Variants in ZNF263 observed in about 807,000 individuals in gnomAD.
The protein encoded by ZNF263 is zinc finger protein 263.
In ZNF263, 49 loss-of-function variants were observed where a neutral mutation model predicts 63.1. The observed-to-expected ratio is 0.78, with a 90% CI of 0.62 to 0.99. ZNF263 has a LOEUF of 0.99. ZNF263 is among the 50% of genes least tolerant of loss of function. The pLI, the probability that ZNF263 is intolerant of heterozygous loss-of-function variation, is 0.00. For missense variants in ZNF263, 872 were observed against 854.8 expected, an observed-to-expected ratio of 1.02 and a Z score of -0.25; for synonymous variants, 352 against 324.2, an observed-to-expected ratio of 1.09 and a Z score of -0.92.
chr16:3,300,143 G>C, intron 2 of ZNF263: 1 of 1,614,172 alleles, frequency 6.2e-7, no homozygotes, highest in Non-Finnish European at 8.5e-7. Context: ...GACAGTTTTT[G>C]TCGAAATGGC....
intron 2 of ZNF263, chr16:3,299,980 G>T (rs757823728): frequency 6.2e-7 from 1 of 1,613,914 alleles, no homozygotes; most frequent in Non-Finnish European, 8.5e-7. Flanking sequence ...ACATAAAAAG[G>T]CAGACAACCT....
Position 3,290,717 on chromosome 16 carries a change from C to T in ZNF263, c.*159C>T. 1 of 1,424,632 alleles carries T rather than the reference C, an allele frequency of 7.0e-7. No homozygotes were observed. Among genetic ancestry groups the T allele is most frequent in the Non-Finnish European group, 9.1e-7 (1 of 1,095,176 alleles). The allele number at this position is 1,424,632 out of a possible 1,614,324, so 88.2% of individuals were successfully genotyped here. A position where few individuals can be genotyped will look rare whatever the true frequency, so the allele number is the denominator to read the frequency against. On this transcript the variant is annotated 3_prime_UTR_variant, in exon 6 of 6. Coordinates refer to ENST00000219069, the MANE Select transcript of ZNF263 (RefSeq NM_005741.5). ...AGGTGCAGAGGCAGCAGAGGATTGG[C>T]ATAAAACTGAAAAGGAGTTCTGTCT...
At chr16:3,294,011 C>T (rs1162638015), downstream of ZNF263, among the ~76,000 whole-genome samples, 1 of 152,280 alleles carries the variant, frequency 6.6e-6, no homozygotes, top group Non-Finnish European at 1.5e-5. Flanking sequence ...CTGCAAGCTT[C>T]GCCTCCCGGG....
At chr16:3,285,809 G>A in intron 3 of ZNF263, 55 bp downstream of exon 3, 4 of 1,593,642 alleles carry the variant, frequency 2.5e-6, no homozygotes, top group Non-Finnish European at 3.4e-6. Flanking sequence ...CCTGAGTGTT[G>A]GGGGTGGGGG....
downstream of ZNF263, among the ~76,000 whole-genome samples, chr16:3,292,338 C>A (rs1313148328): frequency 6.6e-6 from 1 of 152,158 alleles, no homozygotes; most frequent in Non-Finnish European, 1.5e-5. Flanking sequence ...TTGTCTGAGC[C>A]AGTTTTTTAA....
chr16:3,301,338 T>C (rs916040271), exon 3 of ZNF263: 1 of 167,148 alleles, frequency 6.0e-6, no homozygotes, highest in Admixed American at 6.5e-5. Flanking sequence ...AGAAAGTAGT[T>C]TGTTGTACAT....
At position 3,300,229 on chromosome 16, in the gene ZNF263, A is replaced by C. The variant is rs201630933; in HGVS notation, c.*47-684A>C. 777 of 1,614,186 alleles carry C rather than the reference A, an allele frequency of 4.8e-4. 18 individuals carry two copies. In the South Asian group the frequency reaches 8.2e-3, roughly 17 times the overall value. On this transcript the variant is annotated intron_variant, in intron 2 of 2. Transcript: ENST00000574674. ...GTTCCCAATTGCATGCCGATTTCGA[A>C]ATCTAAAAAGCCAACCAGTGCTAGC...
intron 2 of ZNF263, chr16:3,300,557 T>G: frequency 6.2e-7 from 1 of 1,608,818 alleles, no homozygotes; most frequent in East Asian, 2.2e-5. Context: ...TCAATTCTAC[T>G]TAGAACCTTC....
Position 3,290,105 on chromosome 16 carries a change from C to T in ZNF263, c.1599C>T (p.Leu533=), listed in dbSNP as rs200782877. The T allele has an allele frequency of 3.7e-5, 60 of 1,613,742 alleles. No homozygotes were observed. The East Asian group carries it at 4.9e-4, about 13-fold the overall frequency. The change falls in exon 6 of 6, where the codon CTC becomes CTT. Residue 533 remains leucine (L), a synonymous_variant. Coordinates refer to ENST00000219069, the MANE Select transcript of ZNF263 (RefSeq NM_005741.5). ...CGKSFSRSSH[L]VIHERTHERE... is the part of the protein sequence containing the mutation. ...AAAGTTTCTCTCGGAGTTCACACCTCGTCATTCACGAAAGAACTCATGAGA... is the reference window on the plus strand; with the variant it reads ...AAAGTTTCTCTCGGAGTTCACACCTTGTCATTCACGAAAGAACTCATGAGA...
Position 3,290,267 on chromosome 16 carries a change from CA to C in ZNF263, c.1762del (p.Met588CysfsTer31). 6.2e-7 allele frequency: 1 copy of C among 1,614,158 alleles called. No individual in the cohort carries two copies. The highest frequency in any genetic ancestry group is 8.5e-7 in the Non-Finnish European group (1 of 1,180,030). On this transcript the variant is annotated frameshift_variant, in exon 6 of 6. Coordinates refer to ENST00000219069, the MANE Select transcript of ZNF263 (RefSeq NM_005741.5). LOFTEE classifies it high-confidence loss of function. ...CTTGTGGGAAAAGCTTCCGGCAGGGCATGCACCTCACCAGACATCAGAGAAC... is the reference window on the plus strand; with the variant it reads ...CTTGTGGGAAAAGCTTCCGGCAGGGCTGCACCTCACCAGACATCAGAGAAC... ...LTCGKSFRQG[M>X]HLTRHQRTHT...
intron 4 of ZNF263, among the ~76,000 whole-genome samples, chr16:3,287,938 A>G (rs1959440075): frequency 6.6e-6 from 1 of 151,656 alleles, no homozygotes; most frequent in South Asian, 2.1e-4. Flanking sequence ...AAACATTCCA[A>G]GTACCATGAA....
At chr16:3,301,287 T>C (rs556140850) in exon 3 of ZNF263, 21 of 167,086 alleles carry the variant, frequency 1.3e-4, no homozygotes, top group Non-Finnish European at 1.8e-4. Context: ...GTATGGAGAG[T>C]TGGAATTCAG....
intron 5 of ZNF263, 89 bp downstream of exon 5, chr16:3,288,659 T>C: frequency 2.1e-6 from 2 of 940,504 alleles, no homozygotes; most frequent in Non-Finnish European, 3.2e-6. Flanking sequence ...TTTTGTTTTG[T>C]TTTGAGATGG....
intron 2 of ZNF263, 33 bp from the exon 3 acceptor site, chr16:3,285,648 T>C (rs997259294): frequency 5.6e-6 from 9 of 1,606,108 alleles, no homozygotes; most frequent in Non-Finnish European, 3.4e-6. Context: ...GAGTTAGGAA[T>C]GCCATTCTCA....
chr16:3,290,045 T>G lies in ZNF263; in HGVS notation c.1539T>G (p.Thr513=). The change falls in exon 6 of 6, where the codon ACT becomes ACG. Residue 513 remains threonine, a synonymous_variant. Transcript: ENST00000219069. ...TCCTTCGGCACCAGAGAATTCACAC[T>G]GGAGAGCGACCTTATAAGTGTCCCG... ...SNLLRHQRIH[T]GERPYKCPEC... The G allele has an allele frequency of 6.2e-7, 1 of 1,613,766 alleles. No individual in the cohort carries two copies. The highest frequency in any genetic ancestry group is 8.5e-7 in the Non-Finnish European group (1 of 1,179,922).
rs1180453001 is a variant in ZNF263 at position 3,285,732 on chromosome 16, A to G, written c.620A>G (p.Asp207Gly). ...TTTCCTCCTGAAGGGAACATGGAAGACAAGGAGATGACTGGGCCCCAGGTG... is the reference window on the plus strand; with the variant it reads ...TTTCCTCCTGAAGGGAACATGGAAGGCAAGGAGATGACTGGGCCCCAGGTG... ...SLFPPEGNME[D>G]KEMTGPQLPE... Residue 207 changes from aspartate to glycine, a missense_variant, in exon 3 of 6, where the codon GAC (aspartate) becomes GGC (glycine). Coordinates refer to ENST00000219069, the MANE Select transcript of ZNF263 (RefSeq NM_005741.5). The G allele has an allele frequency of 2.5e-6, 4 of 1,614,030 alleles. No homozygotes were observed. The highest frequency in any genetic ancestry group is 2.5e-6 in the Non-Finnish European group (3 of 1,180,038).
chr16:3,288,083 C>G (rs1407387326), intron 4 of ZNF263, among the ~76,000 whole-genome samples: 3 of 152,024 alleles, frequency 2.0e-5, no homozygotes, highest in Non-Finnish European at 4.4e-5. Context: ...GAAACTCCAT[C>G]TCTACTAAAA....
chr16:3,285,216 A>G lies in ZNF263; in HGVS notation c.545A>G (p.Asp182Gly), dbSNP rs1338327060. The G allele has an allele frequency of 6.2e-7, 1 of 1,613,002 alleles. No individual in the cohort carries two copies. The highest frequency in any genetic ancestry group is 1.3e-5 in the African/African-American group (1 of 74,944). Residue 182 changes from aspartate to glycine, a missense_variant, in exon 2 of 6, where the codon GAC becomes GGC. By Grantham distance (94) the Asp-to-Gly change is moderately conservative. Transcript: ENST00000219069. ...QELLGPSPQR[D>G]PQAVKERALS... ...CTGCTAGGCCCCAGCCCCCAAAGGGACCCCCAGGCTGTAAAGGAGAGGGGT... is the reference window on the plus strand; with the variant it reads ...CTGCTAGGCCCCAGCCCCCAAAGGGGCCCCCAGGCTGTAAAGGAGAGGGGT...
At chr16:3,287,759 T>G (rs2150773040) in intron 4 of ZNF263, among the ~76,000 whole-genome samples, 1 of 152,148 alleles carries the variant, frequency 6.6e-6, no homozygotes. Flanking sequence ...GATTGTCTAT[T>G]ATGTTATATT....
Sources: allele counts gnomAD v4.1 joint callset (sites outside exome capture counted in the v4.1 genomes callset), GRCh38; gene constraint gnomAD v4.1.1; transcripts MANE v1.5; gene names NCBI Gene and HGNC (gene_info 2026-07-23, HGNC 2026-07-21).